ADRA1A: variants seen among roughly 807,000 people sequenced by gnomAD.
ADRA1A encodes the protein alpha-1A adrenergic receptor.
In ADRA1A, 31 loss-of-function variants were observed where a neutral mutation model predicts 29.6. The ratio of observed to expected loss-of-function variants is 1.05; its 90% CI spans 0.79 to 1.41. The LOEUF (loss-of-function observed/expected upper bound fraction) is 1.41, where lower values mean the gene tolerates loss of function less well. Ranked by LOEUF, ADRA1A falls within the 40% of genes most tolerant of loss-of-function variation. The pLI is 0.00. For missense variants in ADRA1A, 619 were observed against 601.1 expected (o/e 1.03, Z -0.31); for synonymous variants, 311 against 254.3 (o/e 1.22, Z -2.12).
Position 26,798,370 on chromosome 8 carries a change from GC to G in ADRA1A, c.884-27705del, listed in dbSNP as rs547204377. Among the ~76,000 whole-genome samples the G allele has an allele frequency of 3.1e-4, 47 of 152,250 alleles. 1 individual carries two copies. The highest frequency in any genetic ancestry group is 1.1e-3 in the African/African-American group (46 of 41,550). The stretch of plus-strand genomic sequence containing the variant: ...TCTAAATCTCACTCAGAAAAGCATG[GC>G]TTTTTTAACCCATAAAGAAAAAATG... On this transcript the variant is annotated intron_variant, in intron 2 of 2. Transcript: ENST00000380573.
At chr8:26,794,447 T>G (rs1458438463) in intron 2 of ADRA1A, among the ~76,000 whole-genome samples, 1 of 152,056 alleles carries the variant, frequency 6.6e-6, no homozygotes, top group Non-Finnish European at 1.5e-5. Flanking sequence ...AGATAGTAAA[T>G]ATTTTAGGCC....
At position 26,821,625 on chromosome 8, in the gene ADRA1A, C is replaced by T. The variant is rs1810177136; in HGVS notation, c.883+42462G>A. ...ATTACCAGGTTTCATCCAATGGCAA[C>T]ATCTTGCAAAACTACGGTACAATAT... On this transcript the variant is annotated intron_variant, in intron 2 of 2. Coordinates refer to ENST00000380573, the MANE Select transcript of ADRA1A (RefSeq NM_000680.4). The surrounding 1 kb of genome is among the most constrained non-coding windows in gnomAD (Gnocchi z 5.6). Among the ~76,000 whole-genome samples the T allele has an allele frequency of 6.6e-6, 1 of 152,164 alleles. No homozygotes were observed.
At chr8:26,799,226 T>G (rs1478753332) in intron 2 of ADRA1A, among the ~76,000 whole-genome samples, 1 of 152,208 alleles carries the variant, frequency 6.6e-6, no homozygotes, top group Non-Finnish European at 1.5e-5. Flanking sequence ...CATTTAGGAT[T>G]TTGATCCTCT....
At chr8:26,786,144 T>C (rs1409889643) in intron 2 of ADRA1A, among the ~76,000 whole-genome samples, 2 of 152,192 alleles carry the variant, frequency 1.3e-5, no homozygotes, top group East Asian at 3.8e-4. Flanking sequence ...TAGGGCCATA[T>C]GATCTGCTCT....
rs1195322775 is a variant in ADRA1A at position 26,770,360 on chromosome 8, C to T, written c.1190G>A (p.Trp397Ter). ...RISKTDGVCE[W>*]KFFSSMPRGS... ...ACGGGGCATGGAAGAGAAAAATTTCCATTCACAAACGCCATCCGTCTTGGA... is the reference window on the plus strand; with the variant it reads ...ACGGGGCATGGAAGAGAAAAATTTCTATTCACAAACGCCATCCGTCTTGGA... The change falls in exon 3 of 3, where the codon TGG (tryptophan) becomes TAG (stop). Residue 397 changes from tryptophan to a stop codon, truncating the protein, a stop_gained. Coordinates refer to ENST00000380573, the MANE Select transcript of ADRA1A (RefSeq NM_000680.4). LOFTEE classifies it high-confidence loss of function. 6.2e-7 allele frequency: 1 copy of T among 1,614,184 alleles called. No individual in the cohort carries two copies. Among genetic ancestry groups the T allele is most frequent in the Non-Finnish European group, 8.5e-7 (1 of 1,180,024 alleles).
At chr8:26,764,387 A>G (rs1295192952), downstream of ADRA1A, among the ~76,000 whole-genome samples, 1 of 152,222 alleles carries the variant, frequency 6.6e-6, no homozygotes, top group Non-Finnish European at 1.5e-5. Flanking sequence ...TGACAGAAGC[A>G]TAGACAAATT....
intron 2 of ADRA1A, among the ~76,000 whole-genome samples, chr8:26,788,152 T>C (rs1807540649): frequency 6.6e-6 from 1 of 152,166 alleles, no homozygotes; most frequent in South Asian, 2.1e-4. Context: ...TAGCCTGTTG[T>C]CCAATATTAC....
At position 26,796,928 on chromosome 8, in the gene ADRA1A, G is replaced by A. The variant is rs1808229892; in HGVS notation, c.884-26262C>T. Among the ~76,000 whole-genome samples the A allele has an allele frequency of 6.6e-6, 1 of 152,106 alleles. No homozygotes were observed. The highest frequency in any genetic ancestry group is 1.5e-5 in the Non-Finnish European group (1 of 67,998). ...GCAAATTTTTATAGAGATGAGACTG[G>A]AATTGAGAGTGAAATGAAGGGAGTC... On this transcript the variant is annotated intron_variant, in intron 2 of 2. Transcript: ENST00000380573. The surrounding 1 kb of genome is among the most constrained non-coding windows in gnomAD (Gnocchi z 5.0).
At chr8:26,789,021 C>T (rs553802617) in intron 2 of ADRA1A, among the ~76,000 whole-genome samples, 2 of 152,178 alleles carry the variant, frequency 1.3e-5, no homozygotes, top group South Asian at 2.1e-4. Context: ...GCAATGGTGG[C>T]CTGCTGCATG....
At chr8:26,793,363 C>A (rs144240767) in intron 2 of ADRA1A, among the ~76,000 whole-genome samples, 173 of 151,864 alleles carry the variant, frequency 1.1e-3, no homozygotes, top group African/African-American at 4.0e-3. Flanking sequence ...ATGCAAGAAG[C>A]CAAAGTTATT....
At chr8:26,857,240 G>T (rs2130773122) in intron 2 of ADRA1A, among the ~76,000 whole-genome samples, 1 of 152,272 alleles carries the variant, frequency 6.6e-6, no homozygotes, top group South Asian at 2.1e-4. Flanking sequence ...AGCTTCAATT[G>T]CCAGGCAAGC....
intron 2 of ADRA1A, among the ~76,000 whole-genome samples, chr8:26,826,713 C>T (rs892191547): frequency 6.6e-6 from 1 of 152,144 alleles, no homozygotes; most frequent in Non-Finnish European, 1.5e-5. Flanking sequence ...CTGTTAGCCT[C>T]CCCAGACAGA....
intron 2 of ADRA1A, among the ~76,000 whole-genome samples, chr8:26,827,836 A>G (rs534877711): frequency 7.9e-5 from 12 of 152,276 alleles, no homozygotes; most frequent in Non-Finnish European, 1.5e-4. Context: ...GGGTGGACAC[A>G]AACATTCAGA....
intron 2 of ADRA1A, chr8:26,854,425 G>GTGC (rs34107108): frequency 7.9e-6 from 1 of 126,896 alleles, no homozygotes. Context: ...AAGCGGGGCG[G>GTGC]GGGGGGGGAG....
chr8:26,817,450 C>A (rs1286253737), intron 2 of ADRA1A, among the ~76,000 whole-genome samples: 1 of 152,158 alleles, frequency 6.6e-6, no homozygotes, highest in Admixed American at 6.5e-5. Flanking sequence ...AATGATACAA[C>A]CACTTTGGAA....
At chr8:26,752,301 T>C (rs1024609597), downstream of ADRA1A, among the ~76,000 whole-genome samples, 5 of 152,194 alleles carry the variant, frequency 3.3e-5, no homozygotes, top group African/African-American at 1.2e-4. Context: ...GCATAGTGGA[T>C]TGGTTGGACC....
At position 26,837,596 on chromosome 8, in the gene ADRA1A, A is replaced by T. The variant is rs1360053384; in HGVS notation, c.883+26491T>A. On this transcript the variant is annotated intron_variant, in intron 2 of 2. Coordinates refer to ENST00000380573, the MANE Select transcript of ADRA1A (RefSeq NM_000680.4). The stretch of plus-strand genomic sequence containing the variant: ...AGCCTGGGAGGTGGAAGTTGCAGTG[A>T]GCCAAGATGGCACCATTGCACTCCA... Among the ~76,000 whole-genome samples the T allele has an allele frequency of 1.3e-5, 2 of 151,298 alleles. 1 individual carries two copies. The highest frequency in any genetic ancestry group is 3.9e-4 in the East Asian group (2 of 5,100).
At chr8:26,863,872 G>A (rs755734644) in intron 2 of ADRA1A, among the ~76,000 whole-genome samples, 1 of 152,170 alleles carries the variant, frequency 6.6e-6, no homozygotes, top group Non-Finnish European at 1.5e-5. Context: ...CTTTACAGTC[G>A]AAAAAGTGCT....
chr8:26,756,340 C>A, downstream of ADRA1A: 2 of 872,918 alleles, frequency 2.3e-6, no homozygotes, highest in South Asian at 1.8e-5. Flanking sequence ...CATAAAAGTT[C>A]CCCTTTTAAA....
Sources: gnomAD v4.1 joint callset for allele counts (sites outside exome capture counted in the v4.1 genomes callset) on GRCh38, gnomAD v4.1.1 for gene constraint, Gnocchi (gnomAD v3.1) non-coding constraint, MANE v1.5 for transcripts, NCBI Gene and HGNC (gene_info 2026-07-23, HGNC 2026-07-21) for gene names.